The following FMO1 variants were observed in gnomAD, a reference collection of about 807,000 sequenced individuals.
FMO1 encodes the protein flavin-containing monooxygenase 1.
A neutral mutation model predicts 45.4 loss-of-function variants in FMO1; 36 were observed. That is an observed-to-expected ratio of 0.79 (90% CI 0.61 to 1.05). The LOEUF (loss-of-function observed/expected upper bound fraction) is 1.05. Ranked by LOEUF, FMO1 falls within the 50% of genes least tolerant of loss-of-function variation. The probability of loss-of-function intolerance (pLI) is 0.00; values close to 1 mark genes in which losing one functional copy is unlikely to be tolerated. For synonymous variants in FMO1, 228 were observed against 227.2 expected (o/e 1.00, Z -0.03); for missense variants, 615 against 640.3 (o/e 0.96, Z 0.43).
At chr1:171,257,018 A>C (rs1660188823) in intron 1 of FMO1, among the ~76,000 whole-genome samples, 2 of 152,218 alleles carry the variant, frequency 1.3e-5, no homozygotes, top group Non-Finnish European at 1.5e-5. Context: ...AATTCTTGGA[A>C]ATGCTTTTAA....
intron 4 of FMO1, among the ~76,000 whole-genome samples, chr1:171,275,858 C>A (rs1321225971): frequency 6.6e-6 from 1 of 152,104 alleles, no homozygotes; most frequent in Non-Finnish European, 1.5e-5. Context: ...AGCAGGTACA[C>A]ATTGCCAAAG....
At chr1:171,276,623 A>T (rs1008000281) in intron 4 of FMO1, among the ~76,000 whole-genome samples, 1 of 152,196 alleles carries the variant, frequency 6.6e-6, no homozygotes. Context: ...CTTACAGTAT[A>T]TTGCACTAGG....
intron 4 of FMO1, among the ~76,000 whole-genome samples, chr1:171,276,990 A>T (rs1661138519): frequency 6.6e-6 from 1 of 152,182 alleles, no homozygotes; most frequent in Admixed American, 6.5e-5. Context: ...AAGAGCTTGG[A>T]TTACTTTAAC....
At chr1:171,259,130 G>A (rs1172100886) in intron 2 of FMO1, among the ~76,000 whole-genome samples, 6 of 152,306 alleles carry the variant, frequency 3.9e-5, no homozygotes, top group Non-Finnish European at 8.8e-5. Flanking sequence ...AGATAGCCCC[G>A]CCTCAGATCC....
chr1:171,285,718 T>C lies in FMO1; in HGVS notation c.*174T>C. ...CTGGTATTCCTGAGCCTCTCCCAGC[T>C]CCACTTCTAATGCTAGAGAATGATA... On this transcript the variant is annotated 3_prime_UTR_variant, in exon 9 of 9. Coordinates refer to ENST00000617670, the MANE Select transcript of FMO1 (RefSeq NM_001282693.2). The C allele has an allele frequency of 2.4e-6, 1 of 411,522 alleles. No individual in the cohort carries two copies. The highest frequency in any genetic ancestry group is 4.3e-6 in the Non-Finnish European group (1 of 235,248). The allele number at this position is 411,522 out of a possible 1,614,324, so 25.5% of individuals were successfully genotyped here.
At chr1:171,263,723 T>G (rs1660479663) in intron 2 of FMO1, among the ~76,000 whole-genome samples, 1 of 152,188 alleles carries the variant, frequency 6.6e-6, no homozygotes, top group South Asian at 2.1e-4. Flanking sequence ...GGGCACGTGC[T>G]TCCACACTCG....
intron 4 of FMO1, among the ~76,000 whole-genome samples, chr1:171,276,034 C>A (rs1661094760): frequency 6.6e-6 from 1 of 152,210 alleles, no homozygotes; most frequent in Admixed American, 6.5e-5. Flanking sequence ...ATCTTTGGGT[C>A]TCAGTTTTCT....
chr1:171,251,569 C>T (rs1414993048), intron 1 of FMO1: 2 of 151,496 alleles, frequency 1.3e-5, no homozygotes, highest in South Asian at 4.2e-4. Context: ...GCATTCCTCA[C>T]ACAGTTCCTC....
chr1:171,283,466 A>G (rs944101359), intron 8 of FMO1, among the ~76,000 whole-genome samples: 4 of 152,060 alleles, frequency 2.6e-5, no homozygotes, highest in Non-Finnish European at 5.9e-5. Context: ...ACTTCAGCCC[A>G]TGGTTTTCTA....
chr1:171,254,219 G>A (rs1399587355), intron 1 of FMO1, among the ~76,000 whole-genome samples: 1 of 152,026 alleles, frequency 6.6e-6, no homozygotes, highest in African/African-American at 2.4e-5. Flanking sequence ...CTCCCAAGTA[G>A]CTGGGATTAC....
Position 171,275,440 on chromosome 1 carries a change from T to C in FMO1, c.416T>C (p.Ile139Thr), listed in dbSNP as rs1199042560. 3 of 1,613,496 alleles carry C rather than the reference T, an allele frequency of 1.9e-6. No individual in the cohort carries two copies. Among genetic ancestry groups the C allele is most frequent in the Non-Finnish European group, 2.5e-6 (3 of 1,179,480 alleles). ...CATGAAGAGAAGCAAGAGTCAGCCA[T>C]CTTTGATGCTGTCATGGTCTGCACT... Reference protein sequence around the residue: ...TMHEEKQESAIFDAVMVCTGF... With the variant: ...TMHEEKQESATFDAVMVCTGF... The change falls in exon 4 of 9, where the codon ATC becomes ACC. Residue 139 changes from isoleucine (I) to threonine (T), a missense_variant. By Grantham distance (89) the Ile-to-Thr change is moderately conservative. Coordinates refer to ENST00000617670, the MANE Select transcript of FMO1 (RefSeq NM_001282693.2).
At chr1:171,270,477 T>C (rs1660803436) in intron 3 of FMO1, 1 of 680,198 alleles carries the variant, frequency 1.5e-6, no homozygotes, top group Admixed American at 6.3e-5. Flanking sequence ...ATTTCAGACC[T>C]ATGAAAAGGA....
intron 3 of FMO1, among the ~76,000 whole-genome samples, chr1:171,270,213 C>T (rs1160994925): frequency 6.6e-6 from 1 of 152,096 alleles, no homozygotes; most frequent in Non-Finnish European, 1.5e-5. Flanking sequence ...CTAGTAATCC[C>T]ATGCTTTGAG....
intron 3 of FMO1, among the ~76,000 whole-genome samples, chr1:171,273,654 T>C (rs139953301): frequency 6.6e-6 from 1 of 152,222 alleles, no homozygotes; most frequent in African/African-American, 2.4e-5. Flanking sequence ...GCTGGGACTA[T>C]AGGCACATAC....
chr1:171,285,275 A>G lies in FMO1; in HGVS notation c.1330A>G (p.Asn444Asp), dbSNP rs1017042023. Residue 444 changes from asparagine to aspartate, a missense_variant, in exon 9 of 9, where the codon AAT becomes GAT. Transcript: ENST00000617670. ...TYIDELLTYI[N>D]AKPNLFSMLL... ...CATAGATGAACTCCTGACCTATATCAATGCAAAACCCAACCTGTTCTCTAT... is the reference window on the plus strand; with the variant it reads ...CATAGATGAACTCCTGACCTATATCGATGCAAAACCCAACCTGTTCTCTAT... The G allele has an allele frequency of 1.9e-6, 3 of 1,613,858 alleles. No homozygotes were observed. Among genetic ancestry groups the G allele is most frequent in the African/African-American group, 2.7e-5 (2 of 74,900 alleles).
intron 5 of FMO1, 78 bp from the exon 6 acceptor site, chr1:171,280,708 A>G (rs1661311546): frequency 8.1e-7 from 1 of 1,237,130 alleles, no homozygotes; most frequent in African/African-American, 1.5e-5. Context: ...TCCATTCATG[A>G]CACTTCTTGA....
chr1:171,276,320 T>C (rs1661105479), intron 4 of FMO1, among the ~76,000 whole-genome samples: 1 of 152,200 alleles, frequency 6.6e-6, no homozygotes, highest in African/African-American at 2.4e-5. Flanking sequence ...AAGCATATCC[T>C]GAAAATTGCC....
chr1:171,280,640 G>A (rs1661308350), intron 5 of FMO1, 146 bp from the exon 6 acceptor site: 1 of 641,088 alleles, frequency 1.6e-6, no homozygotes, highest in Non-Finnish European at 2.8e-6. Flanking sequence ...GAAGTTAGAA[G>A]AACCAAGACT....
chr1:171,272,177 G>A (rs1660899190), intron 3 of FMO1, among the ~76,000 whole-genome samples: 1 of 152,274 alleles, frequency 6.6e-6, no homozygotes, highest in Non-Finnish European at 1.5e-5. Context: ...AGTGGCTTTA[G>A]AGGGTGCAAA....
Sources: allele counts gnomAD v4.1 joint callset (sites outside exome capture counted in the v4.1 genomes callset), GRCh38; gene constraint gnomAD v4.1.1; transcripts MANE v1.5; gene names NCBI Gene and HGNC (gene_info 2026-07-23, HGNC 2026-07-21).